ABCA13: variants seen among roughly 807,000 people sequenced by gnomAD.
ABCA13 encodes ATP binding cassette subfamily A member 13.
ABCA13 carries 476 observed loss-of-function variants against 478.7 expected under a neutral mutation model. That is an observed-to-expected ratio of 0.99 (90% CI 0.92 to 1.07). The LOEUF (loss-of-function observed/expected upper bound fraction) is 1.07. Among genes scored for constraint, ABCA13 ranks in the 50% least tolerant of loss-of-function variants. ABCA13 has a pLI of 0.00. For missense variants in ABCA13, 6,060 were observed against 5,910.6 expected (o/e 1.03, Z -0.83); for synonymous variants, 2,252 against 2,158.9 (o/e 1.04, Z -1.20).
chr7:48,219,551 C>G (rs780748551), intron 4 of ABCA13, 46 bp downstream of exon 4: 5 of 1,571,190 alleles, frequency 3.2e-6, no homozygotes, highest in Middle Eastern at 3.4e-4. Context: ...CTGGACATAG[C>G]TTAAGGAGAG....
At chr7:48,382,000 G>A (rs1203029415) in intron 35 of ABCA13, among the ~76,000 whole-genome samples, 1 of 152,180 alleles carries the variant, frequency 6.6e-6, no homozygotes, top group Non-Finnish European at 1.5e-5. Context: ...AGATTAATTA[G>A]GGGGTTTTAA....
intron 13 of ABCA13, among the ~76,000 whole-genome samples, chr7:48,246,760 A>G (rs1040790649): frequency 1.1e-4 from 17 of 152,328 alleles, no homozygotes; most frequent in African/African-American, 4.1e-4. Context: ...TGTGCATGAC[A>G]GTATGCTGAA....
intron 18 of ABCA13, among the ~76,000 whole-genome samples, 198 bp downstream of exon 18, chr7:48,280,118 CA>C (rs1796836600): frequency 6.6e-6 from 1 of 152,290 alleles, no homozygotes; most frequent in South Asian, 2.1e-4. Flanking sequence ...ATTTGGCATT[CA>C]AATATAATTG....
rs767877973 is a variant in ABCA13 at position 48,403,712 on chromosome 7, A to G, written c.11903A>G (p.His3968Arg). The change falls in exon 39 of 62, where the codon CAT becomes CGT. Residue 3968 changes from histidine to arginine, a missense_variant. By Grantham distance (29) the His-to-Arg change is conservative (BLOSUM62 0). Coordinates refer to ENST00000435803, the MANE Select transcript of ABCA13 (RefSeq NM_152701.5). ...CTTCAGGATGTGGACTTAACTCAGCATCAGCACAAACAGACCCGAGCTCTG... is the reference window on the plus strand; with the variant it reads ...CTTCAGGATGTGGACTTAACTCAGCGTCAGCACAAACAGACCCGAGCTCTG... ...QTLQDVDLTQ[H>R]QHKQTRALSG... is the part of the protein sequence containing the mutation. 10 of 1,614,012 alleles carry G rather than the reference A, an allele frequency of 6.2e-6. No individual in the cohort carries two copies.
rs56675430 is a variant in ABCA13 at position 48,431,342 on chromosome 7, AAACAACAACAAC to A, written c.12565+3507_12565+3518del. Among the ~76,000 whole-genome samples, 239 of 148,032 alleles carry A rather than the reference AAACAACAACAAC, an allele frequency of 1.6e-3. 1 individual carries two copies. Among genetic ancestry groups the A allele is most frequent in the Middle Eastern group, 6.9e-3 (2 of 290 alleles). ...GGGCAACAGAGGGAGATTCTGTCTC[AAACAACAACAAC>A]AACAACAACAACAACAACAACAACA... On this transcript the variant is annotated intron_variant, in intron 42 of 61. Coordinates refer to ENST00000435803, the MANE Select transcript of ABCA13 (RefSeq NM_152701.5).
At position 48,187,921 on chromosome 7, in the gene ABCA13, A is replaced by C. The variant is rs566507584; in HGVS notation, c.70-5038A>C. Among the ~76,000 whole-genome samples, 12 of 151,372 alleles carry C rather than the reference A, an allele frequency of 7.9e-5. No homozygotes were observed. In the South Asian group the frequency reaches 8.4e-4, roughly 11 times the overall value. ...TTTCTTTTTCTTTTTCTGTTGGTTT[A>C]TTTCCTTCCTAATGTTTAGATAGCA... On this transcript the variant is annotated intron_variant, in intron 1 of 61. Coordinates refer to ENST00000435803, the MANE Select transcript of ABCA13 (RefSeq NM_152701.5).
At chr7:48,638,404 G>T (rs1794853254) in intron 59 of ABCA13, among the ~76,000 whole-genome samples, 1 of 152,166 alleles carries the variant, frequency 6.6e-6, no homozygotes, top group Non-Finnish European at 1.5e-5. Flanking sequence ...TTTTTATTGT[G>T]AAGCTGTCAT....
chr7:48,173,388 A>G (rs1794415714), intron 1 of ABCA13, among the ~76,000 whole-genome samples: 1 of 152,212 alleles, frequency 6.6e-6, no homozygotes, highest in Non-Finnish European at 1.5e-5. Context: ...CTGGCACACA[A>G]TGGATGTTCA....
At chr7:48,267,589 G>T (rs1283534109) in intron 15 of ABCA13, among the ~76,000 whole-genome samples, 1 of 151,834 alleles carries the variant, frequency 6.6e-6, no homozygotes, top group Non-Finnish European at 1.5e-5. Context: ...GCCTTTTTTT[G>T]AGCATGTAAA....
intron 31 of ABCA13, among the ~76,000 whole-genome samples, chr7:48,353,260 T>G (rs1172293655): frequency 6.6e-6 from 1 of 151,716 alleles, no homozygotes; most frequent in Non-Finnish European, 1.5e-5. Flanking sequence ...GATTTCTTAC[T>G]TTCCTCATGG....
chr7:48,191,057 A>T (rs1403742596), intron 1 of ABCA13, among the ~76,000 whole-genome samples: 1 of 147,692 alleles, frequency 6.8e-6, no homozygotes, highest in Non-Finnish European at 1.5e-5. Flanking sequence ...TCAAGTTATC[A>T]TTTAATATGA....
chr7:48,253,916 A>T (rs1369336416), intron 15 of ABCA13, among the ~76,000 whole-genome samples: 1 of 150,416 alleles, frequency 6.6e-6, no homozygotes, highest in Non-Finnish European at 1.5e-5. Flanking sequence ...TCTTATTAGG[A>T]CTGTACTTAC....
At chr7:48,304,893 G>C (rs1205995039) in intron 23 of ABCA13, among the ~76,000 whole-genome samples, 1 of 152,236 alleles carries the variant, frequency 6.6e-6, no homozygotes, top group African/African-American at 2.4e-5. Flanking sequence ...TAGGCATCCT[G>C]TTTTACCCTT....
At chr7:48,565,070 G>T (rs4144069) in intron 55 of ABCA13, among the ~76,000 whole-genome samples, 21,034 of 152,000 alleles carry the variant, frequency 0.14, 1,811 homozygotes, top group African/African-American at 0.23. Context: ...AAAAGTCTGA[G>T]TGACTGCGGA....
intron 19 of ABCA13, 139 bp downstream of exon 19, chr7:48,281,591 G>A (rs1474714444): frequency 5.3e-6 from 4 of 751,264 alleles, no homozygotes; most frequent in African/African-American, 3.5e-5. Context: ...ACCAGGCCTT[G>A]AGGGATCTGC....
chr7:48,578,455 A>T (rs1022504703), intron 55 of ABCA13, among the ~76,000 whole-genome samples: 1 of 152,182 alleles, frequency 6.6e-6, no homozygotes, highest in African/African-American at 2.4e-5. Flanking sequence ...AAATTTTAAA[A>T]ACATATCATT....
chr7:48,617,162 A>G (rs886849693), intron 59 of ABCA13, among the ~76,000 whole-genome samples: 3 of 152,240 alleles, frequency 2.0e-5, no homozygotes, highest in Admixed American at 2.0e-4. Context: ...CATGACATAG[A>G]TGGTAACAAT....
At chr7:48,466,128 TTTAA>T (rs1223615530) in intron 43 of ABCA13, among the ~76,000 whole-genome samples, 1 of 152,318 alleles carries the variant, frequency 6.6e-6, no homozygotes, top group Admixed American at 6.5e-5. Context: ...AATTTAGAAT[TTTAA>T]TTAATTAAAT....
chr7:48,303,229 C>T (rs1472944587), intron 23 of ABCA13, among the ~76,000 whole-genome samples: 1 of 151,976 alleles, frequency 6.6e-6, no homozygotes, highest in African/African-American at 2.4e-5. Context: ...TTTATAGATA[C>T]TGGATATTAG....
Sources: allele counts gnomAD v4.1 joint callset (sites outside exome capture counted in the v4.1 genomes callset), GRCh38; gene constraint gnomAD v4.1.1; transcripts MANE v1.5; gene names NCBI Gene and HGNC (gene_info 2026-07-23, HGNC 2026-07-21).